The following DEPDC1 variants were observed in gnomAD, a reference collection of about 807,000 sequenced individuals.
The protein encoded by DEPDC1 is DEP domain containing 1.
A neutral mutation model predicts 86.8 loss-of-function variants in DEPDC1; 66 were observed. That is an observed-to-expected ratio of 0.76 (90% confidence interval 0.62 to 0.93). The LOEUF (loss-of-function observed/expected upper bound fraction) is 0.93. DEPDC1 is among the 40% of genes least tolerant of loss of function. The probability of loss-of-function intolerance (pLI) is 0.00; values close to 1 mark genes in which losing one functional copy is unlikely to be tolerated. For synonymous variants in DEPDC1, 255 were observed against 314.9 expected (o/e 0.81, Z 2.02); for missense variants, 792 against 935.7 (o/e 0.85, Z 2.00).
At position 68,488,332 on chromosome 1, in the gene DEPDC1, T is replaced by C. The variant is rs770087868; in HGVS notation, c.721+42A>G. On this transcript the variant is annotated intron_variant, in intron 5 of 11. Coordinates refer to ENST00000456315, the MANE Select transcript of DEPDC1 (RefSeq NM_001114120.3). The stretch of plus-strand genomic sequence containing the variant: ...TTACACTACTATAGCTGCAACCTTG[T>C]TGGCAAGTTTTTAAAAGTCCAATTA... 3.2e-6 allele frequency: 5 copies of C among 1,542,774 alleles called. No homozygotes were observed. In the East Asian group the frequency reaches 7.1e-5, roughly 22 times the overall value.
At chr1:68,479,956 A>G (rs528385840) in intron 9 of DEPDC1, among the ~76,000 whole-genome samples, 164 of 152,168 alleles carry the variant, frequency 1.1e-3, no homozygotes, top group African/African-American at 3.9e-3. Context: ...AAAGATTGTC[A>G]GAGAACAATA....
intron 4 of DEPDC1, 128 bp from the exon 5 acceptor site, chr1:68,488,632 T>C: frequency 1.3e-6 from 1 of 779,946 alleles, no homozygotes; most frequent in African/African-American, 1.8e-5. Flanking sequence ...ATATTTAGTA[T>C]CCCCTTTCAA....
At chr1:68,489,669 ATTT>A in intron 2 of DEPDC1, 61 bp from the exon 3 acceptor site, 2 of 1,209,574 alleles carry the variant, frequency 1.7e-6, no homozygotes, top group Non-Finnish European at 2.2e-6. Flanking sequence ...TTTAGAGCCT[ATTT>A]TTTTTTTAAA....
rs748649501 is a variant in DEPDC1, at chr1:68,476,935, T to TC, written c.2432dup (p.Ter812IlefsTer4). ...ACATAATTTTTAATTCAGTTAGTTA[T>TC]CTTAGACTACGGAACTTTGGTTTTC... is the stretch of plus-strand genomic sequence containing the variant. On this transcript the variant is annotated frameshift_variant, in exon 12 of 12. Coordinates refer to ENST00000456315, the MANE Select transcript of DEPDC1 (RefSeq NM_001114120.3). LOFTEE classifies it high-confidence loss of function. The TC allele has an allele frequency of 1.9e-6, 3 of 1,589,826 alleles. No homozygotes were observed. The South Asian group carries it at 3.5e-5, about 18-fold the overall frequency.
intron 10 of DEPDC1, among the ~76,000 whole-genome samples, chr1:68,478,341 A>C (rs1646131124): frequency 6.6e-6 from 1 of 152,042 alleles, no homozygotes; most frequent in Non-Finnish European, 1.5e-5. Flanking sequence ...ATAAAATAAC[A>C]ATCTAAGTGT....
chr1:68,483,807 A>G (rs1409304773), intron 7 of DEPDC1, 143 bp downstream of exon 7: 1 of 557,518 alleles, frequency 1.8e-6, no homozygotes, highest in Non-Finnish European at 2.9e-6. Context: ...AGTATGAGTA[A>G]CCTCGGAACC....
chr1:68,483,922 A>C lies in DEPDC1; in HGVS notation c.910+28T>G, dbSNP rs1317132925. On this transcript the variant is annotated intron_variant, in intron 7 of 11. Coordinates refer to ENST00000456315, the MANE Select transcript of DEPDC1 (RefSeq NM_001114120.3). ...GAAAGTTGAAAACTTTAACAAAATG[A>C]ACTAAAATCAGTAAAATCTATACAT... 5 of 1,329,940 alleles carry C rather than the reference A, an allele frequency of 3.8e-6. No homozygotes were observed. The African/African-American group carries it at 7.6e-5, about 20-fold the overall frequency. 82.4% of individuals were successfully genotyped at this position (1,329,940 alleles called of 1,614,324 possible). A position where few individuals can be genotyped will look rare whatever the true frequency, so the allele number is the denominator to read the frequency against.
chr1:68,488,403 C>A lies in DEPDC1; in HGVS notation c.692G>T (p.Arg231Leu). Reference sequence around the variant, plus strand: ...TTTGTTTTGTAGTATAACTACTCCACGTTTACTTGTATTGGCCATGTTGTA... The same window carrying A: ...TTTGTTTTGTAGTATAACTACTCCAAGTTTACTTGTATTGGCCATGTTGTA... ...IMYNMANTSK[R>L]GVVILQNKSD... Residue 231 changes from arginine to leucine, a missense_variant, in exon 5 of 12, where the codon CGT becomes CTT. Transcript: ENST00000456315. The A allele has an allele frequency of 6.3e-7, 1 of 1,595,940 alleles. No individual in the cohort carries two copies. Among genetic ancestry groups the A allele is most frequent in the Non-Finnish European group, 8.5e-7 (1 of 1,174,342 alleles).
rs1646111601 is a variant in DEPDC1, at chr1:68,475,901, C to T, written c.*1031G>A. On this transcript the variant is annotated 3_prime_UTR_variant, in exon 12 of 12. Transcript: ENST00000456315. ...ACCTAGATTAAAAAAAATACTAATC[C>T]CTATACAACATCCCCAAAATTCAGA... The T allele has an allele frequency of 6.6e-6, 1 of 151,756 alleles. No homozygotes were observed. Among genetic ancestry groups the T allele is most frequent in the Admixed American group, 6.6e-5 (1 of 15,202 alleles). The allele number at this position is 151,756 out of a possible 1,614,324, so 9.4% of individuals were successfully genotyped here. A position where few individuals can be genotyped will look rare whatever the true frequency, so the allele number is the denominator to read the frequency against.
At chr1:68,485,398 T>C (rs551624208) in intron 6 of DEPDC1, among the ~76,000 whole-genome samples, 7 of 152,206 alleles carry the variant, frequency 4.6e-5, no homozygotes, top group African/African-American at 1.4e-4. Context: ...AAGCTTTGGC[T>C]TTCTCTGTTG....
intron 2 of DEPDC1, among the ~76,000 whole-genome samples, chr1:68,490,585 C>A (rs1026577429): frequency 3.3e-5 from 5 of 152,020 alleles, no homozygotes; most frequent in Admixed American, 1.3e-4. Flanking sequence ...GTCTTCATGA[C>A]AGAATGATTT....
rs1646248742 is a variant in DEPDC1 at position 68,494,300 on chromosome 1, T to A, written c.314+130A>T. 9 of 848,974 alleles carry A rather than the reference T, an allele frequency of 1.1e-5. No homozygotes were observed. In the South Asian group the frequency reaches 1.9e-4, roughly 18 times the overall value. The allele number at this position is 848,974 out of a possible 1,614,324, so 52.6% of individuals were successfully genotyped here. The stretch of plus-strand genomic sequence containing the variant: ...TTTTTCTAAATGATTTTAGTTGAAC[T>A]AACAGCATTAATAGTTTTCCAAAGA... On this transcript the variant is annotated intron_variant, in intron 2 of 11. Coordinates refer to ENST00000456315, the MANE Select transcript of DEPDC1 (RefSeq NM_001114120.3).
intron 2 of DEPDC1, among the ~76,000 whole-genome samples, chr1:68,490,439 T>C (rs1198635313): frequency 1.3e-5 from 2 of 152,188 alleles, no homozygotes; most frequent in Non-Finnish European, 2.9e-5. Context: ...GAACTCATTC[T>C]TTTTTATGGC....
In DEPDC1 at chr1:68,477,794, A is replaced by G. The variant is rs1263498893; in HGVS notation, c.2291T>C (p.Leu764Pro). The change falls in exon 11 of 12, where the codon CTA (leucine) becomes CCA (proline). Residue 764 changes from leucine (L) to proline (P), a missense_variant. Coordinates refer to ENST00000456315, the MANE Select transcript of DEPDC1 (RefSeq NM_001114120.3). ...ACTTGCTCATTCTCTTACCTGTTTT[A>G]GTTTTTTTCTTTTCTCCTTTAGAGG... Reference protein sequence around the residue: ...SLPLKEKRKKLKQFQKEYPLI... With the variant: ...SLPLKEKRKKPKQFQKEYPLI... 2.0e-6 allele frequency: 3 copies of G among 1,511,276 alleles called. No individual in the cohort carries two copies. Among genetic ancestry groups the G allele is most frequent in the Non-Finnish European group, 2.7e-6 (3 of 1,123,844 alleles). The allele number at this position is 1,511,276 out of a possible 1,614,324, so 93.6% of individuals were successfully genotyped here. A position where few individuals can be genotyped will look rare whatever the true frequency, so the allele number is the denominator to read the frequency against.
In DEPDC1 at chr1:68,488,978, A is replaced by G. The variant is rs765619559; in HGVS notation, c.528T>C (p.Ile176=). Residue 176 remains isoleucine, a synonymous_variant, in exon 4 of 12, where the codon ATT becomes ATC. Transcript: ENST00000456315. ...CTTCCTGGCTTAGTTCTCTATTATC[A>G]ATTGCATTTTCTTGATCTTCATTGA... ...EIINEDQENA[I]DNRELSQEDV... is the part of the protein sequence containing the mutation. 1 of 1,606,646 alleles carries G rather than the reference A, an allele frequency of 6.2e-7. No individual in the cohort carries two copies. The highest frequency in any genetic ancestry group is 1.1e-5 in the South Asian group (1 of 90,786).
In DEPDC1 at chr1:68,496,454, G is replaced by A. The variant is rs377444205; in HGVS notation, c.48+498C>T. Among the ~76,000 whole-genome samples, 3 of 152,208 alleles carry A rather than the reference G, an allele frequency of 2.0e-5. No homozygotes were observed. The highest frequency in any genetic ancestry group is 4.8e-5 in the African/African-American group (2 of 41,448). ...ACTCAGAAATACCGTTTTGAAACAGGCAGCTGTTATCCTAGTGCTATTCGG... is the reference window on the plus strand; with the variant it reads ...ACTCAGAAATACCGTTTTGAAACAGACAGCTGTTATCCTAGTGCTATTCGG... On this transcript the variant is annotated intron_variant, in intron 1 of 11. Coordinates refer to ENST00000456315, the MANE Select transcript of DEPDC1 (RefSeq NM_001114120.3). The surrounding 1 kb of genome is among the most constrained non-coding windows in gnomAD (Gnocchi z 4.0).
chr1:68,484,224 T>C, intron 6 of DEPDC1, 134 bp from the exon 7 acceptor site: 1 of 592,108 alleles, frequency 1.7e-6, no homozygotes, highest in Non-Finnish European at 2.7e-6. Flanking sequence ...AGTTCAAAAA[T>C]TTAAAGGGTG....
intron 9 of DEPDC1, among the ~76,000 whole-genome samples, chr1:68,480,252 C>CACCACACACACACACACA (rs1553155658): frequency 1.4e-5 from 2 of 145,426 alleles, no homozygotes; most frequent in South Asian, 2.2e-4. Flanking sequence ...TCTAACTGTA[C>CACCACACACACACACACA]CACACACACA....
At chr1:68,477,710 A>C (rs1211839177) in intron 11 of DEPDC1, 77 bp downstream of exon 11, 8 of 944,902 alleles carry the variant, frequency 8.5e-6, no homozygotes, top group Non-Finnish European at 1.2e-5. Flanking sequence ...AAGAAAGTAG[A>C]TTCTAAATGT....
Sources: allele counts gnomAD v4.1 joint callset (sites outside exome capture counted in the v4.1 genomes callset), GRCh38; gene constraint gnomAD v4.1.1; non-coding constraint Gnocchi (gnomAD v3.1); transcripts MANE v1.5; gene names NCBI Gene and HGNC (gene_info 2026-07-23, HGNC 2026-07-21).